RAB21: variants seen among roughly 807,000 people sequenced by gnomAD.
RAB21 encodes ras-related protein Rab-21.
RAB21 carries 13 observed loss-of-function variants against 33.1 expected under a neutral mutation model. The observed-to-expected ratio is 0.39, with a 90% CI of 0.26 to 0.62. The LOEUF is 0.62. Among genes scored for constraint, RAB21 ranks in the 20% least tolerant of loss-of-function variants. The pLI, the probability that RAB21 is intolerant of heterozygous loss-of-function variation, is 0.48. For missense variants in RAB21, 234 were observed against 279.1 expected (o/e 0.84, Z 1.15); for synonymous variants, 91 against 103.7 (o/e 0.88, Z 0.74).
rs188728237 is a variant in RAB21 at position 71,780,887 on chromosome 12, G to A, written c.392-1144G>A. The stretch of plus-strand genomic sequence containing the variant: ...TTCTCTTTTCTCCCTAAAAGCCATA[G>A]TAGAAGAATAAAAATGTTTGTTTGA... On this transcript the variant is annotated intron_variant, in intron 4 of 6. Transcript: ENST00000261263. Among the ~76,000 whole-genome samples, 826 of 152,220 alleles carry A rather than the reference G, an allele frequency of 5.4e-3. 10 individuals carry two copies. Among genetic ancestry groups the A allele is most frequent in the African/African-American group, 0.019 (785 of 41,514 alleles).
intron 1 of RAB21, among the ~76,000 whole-genome samples, chr12:71,763,101 G>GCA (rs66460518): frequency 0.12 from 16,913 of 145,426 alleles, 1,182 homozygotes; most frequent in East Asian, 0.3. Context: ...TATTTTGCAC[G>GCA]CACACACACA....
At chr12:71,785,260 T>C (rs1236322207) in intron 6 of RAB21, among the ~76,000 whole-genome samples, 2 of 152,206 alleles carry the variant, frequency 1.3e-5, no homozygotes, top group African/African-American at 4.8e-5. Flanking sequence ...CAGGCAATTG[T>C]TCAGAGCAAA....
intron 1 of RAB21, among the ~76,000 whole-genome samples, chr12:71,757,504 G>A (rs570790759): frequency 3.9e-5 from 6 of 152,268 alleles, no homozygotes; most frequent in Non-Finnish European, 8.8e-5. Flanking sequence ...TATATGAAAA[G>A]CCACTGTACT....
chr12:71,771,796 A>G (rs896860442), intron 3 of RAB21, among the ~76,000 whole-genome samples: 2 of 152,084 alleles, frequency 1.3e-5, no homozygotes, highest in Non-Finnish European at 2.9e-5. Context: ...CAACATGGTG[A>G]ACTCCCATCT....
intron 4 of RAB21, among the ~76,000 whole-genome samples, chr12:71,777,141 T>G (rs1353911924): frequency 6.6e-6 from 1 of 152,204 alleles, no homozygotes; most frequent in East Asian, 1.9e-4. Context: ...AAATGAAAAT[T>G]GCACGGTGTA....
chr12:71,785,377 A>T (rs1311878500), intron 6 of RAB21, among the ~76,000 whole-genome samples, 154 bp from the exon 7 acceptor site: 1 of 152,216 alleles, frequency 6.6e-6, no homozygotes, highest in East Asian at 1.9e-4. Context: ...CATGCAGGTG[A>T]AGCTGTTTTA....
In RAB21 at chr12:71,787,492, A is replaced by G. The variant is rs1292486707; in HGVS notation, c.*1819A>G. 1 of 152,210 alleles carries G rather than the reference A, an allele frequency of 6.6e-6. No individual in the cohort carries two copies. Among genetic ancestry groups the G allele is most frequent in the Non-Finnish European group, 1.5e-5 (1 of 68,042 alleles). The allele number at this position is 152,210 out of a possible 1,614,324, so 9.4% of individuals were successfully genotyped here. ...AGCAGTAGTATGTAATAAAGCTATT[A>G]GCATGAGCAATTAAGAGGCTATAAA... On this transcript the variant is annotated 3_prime_UTR_variant, in exon 7 of 7. Coordinates refer to ENST00000261263, the MANE Select transcript of RAB21 (RefSeq NM_014999.4).
At chr12:71,758,626 G>A (rs930131062) in intron 1 of RAB21, among the ~76,000 whole-genome samples, 5 of 147,910 alleles carry the variant, frequency 3.4e-5, no homozygotes, top group Admixed American at 1.4e-4. Context: ...GACCACAGGC[G>A]TGCGCCACCA....
chr12:71,762,754 A>G (rs1191986089), intron 1 of RAB21, among the ~76,000 whole-genome samples: 1 of 151,416 alleles, frequency 6.6e-6, no homozygotes, highest in Non-Finnish European at 1.5e-5. Flanking sequence ...GGCTAATTTT[A>G]TATTTTTAGT....
rs566934819 is a variant in RAB21 at position 71,763,726 on chromosome 12, A to G, written c.160-6074A>G. ...GGGTGGAGAATGTGCCATAACTTAC[A>G]TGGATCCTTGCTAGTAATACTTTGT... On this transcript the variant is annotated intron_variant, in intron 1 of 6. Transcript: ENST00000261263. Among the ~76,000 whole-genome samples the G allele has an allele frequency of 3.9e-5, 6 of 152,340 alleles. No homozygotes were observed. In the South Asian group the frequency reaches 1.2e-3, roughly 32 times the overall value.
intron 1 of RAB21, among the ~76,000 whole-genome samples, chr12:71,759,272 G>A (rs1473077563): frequency 6.6e-6 from 1 of 152,196 alleles, no homozygotes; most frequent in Non-Finnish European, 1.5e-5. Context: ...CAAAGAATAA[G>A]GTGTGGAATC....
intron 3 of RAB21, among the ~76,000 whole-genome samples, chr12:71,772,635 A>T (rs1471216369): frequency 6.6e-6 from 1 of 152,126 alleles, no homozygotes; most frequent in Non-Finnish European, 1.5e-5. Flanking sequence ...GAAGAGAGGG[A>T]TACGTAATTG....
chr12:71,781,497 C>T lies in RAB21; in HGVS notation c.392-534C>T, dbSNP rs532015402. ...AAAAAAAAAAGAGAATACAGTTTTT[C>T]CCCTTATGATTGTGGAGTACTTAAA... On this transcript the variant is annotated intron_variant, in intron 4 of 6. Transcript: ENST00000261263. Among the ~76,000 whole-genome samples, 11 of 151,760 alleles carry T rather than the reference C, an allele frequency of 7.2e-5. No homozygotes were observed. The East Asian group carries it at 1.7e-3, about 24-fold the overall frequency.
intron 1 of RAB21, among the ~76,000 whole-genome samples, chr12:71,760,050 C>G (rs566359590): frequency 6.6e-6 from 1 of 152,068 alleles, no homozygotes; most frequent in African/African-American, 2.4e-5. Flanking sequence ...ATAAATGATG[C>G]GGGATTTATG....
chr12:71,782,253 C>T (rs1325984259), intron 5 of RAB21, among the ~76,000 whole-genome samples, 168 bp downstream of exon 5: 1 of 152,142 alleles, frequency 6.6e-6, no homozygotes, highest in Non-Finnish European at 1.5e-5. Flanking sequence ...GGCAATAAAG[C>T]CCTTACTTCC....
chr12:71,785,788 A>G lies in RAB21; in HGVS notation c.*115A>G. 7.8e-7 allele frequency: 1 copy of G among 1,281,614 alleles called. No homozygotes were observed. Among genetic ancestry groups the G allele is most frequent in the South Asian group, 1.5e-5 (1 of 68,822 alleles). The allele number at this position is 1,281,614 out of a possible 1,614,324, so 79.4% of individuals were successfully genotyped here. On this transcript the variant is annotated 3_prime_UTR_variant, in exon 7 of 7. Coordinates refer to ENST00000261263, the MANE Select transcript of RAB21 (RefSeq NM_014999.4). ...TTACCAATGGAATTATAGAATTAAC[A>G]GTATTTTAAATTACGTTTATAACAC...
intron 6 of RAB21, among the ~76,000 whole-genome samples, chr12:71,783,084 G>C (rs192273208): frequency 5.4e-4 from 82 of 152,100 alleles, no homozygotes; most frequent in African/African-American, 1.8e-3. Flanking sequence ...AATTTTTTAG[G>C]TGTGATTATG....
At chr12:71,755,706 C>T (rs1352447431) in intron 1 of RAB21, among the ~76,000 whole-genome samples, 5 of 152,166 alleles carry the variant, frequency 3.3e-5, no homozygotes, top group Non-Finnish European at 7.3e-5. Context: ...GTAACTTCAG[C>T]GCTTACTGAT....
intron 1 of RAB21, among the ~76,000 whole-genome samples, chr12:71,760,019 T>A (rs1428016842): frequency 6.6e-6 from 1 of 152,210 alleles, no homozygotes; most frequent in African/African-American, 2.4e-5. Context: ...TAATAAATGT[T>A]TGCTGTTTGA....
Sources: allele counts gnomAD v4.1 joint callset (sites outside exome capture counted in the v4.1 genomes callset), GRCh38; gene constraint gnomAD v4.1.1; transcripts MANE v1.5; gene names NCBI Gene and HGNC (gene_info 2026-07-23, HGNC 2026-07-21).